The following TMEM45A variants were observed in gnomAD, a reference collection of about 807,000 sequenced individuals.
TMEM45A encodes the protein transmembrane protein 45A, also known as DNA polymerase-transactivated protein 4.
A neutral mutation model predicts 32.0 loss-of-function variants in TMEM45A; 25 were observed. The ratio of observed to expected loss-of-function variants is 0.78; its 90% CI spans 0.57 to 1.09. TMEM45A has a LOEUF of 1.09. TMEM45A is among the 50% of genes least tolerant of loss of function. TMEM45A has a pLI of 0.00. For synonymous variants in TMEM45A, 122 were observed against 114.8 expected, an observed-to-expected ratio of 1.06 and a Z score of -0.40; for missense variants, 302 against 325.0, an observed-to-expected ratio of 0.93 and a Z score of 0.54.
rs1390363189 is a variant in TMEM45A, at chr3:100,492,944, G to A, written c.-4+16G>A. The A allele has an allele frequency of 6.6e-6, 1 of 152,198 alleles. No individual in the cohort carries two copies. The highest frequency in any genetic ancestry group is 1.5e-5 in the Non-Finnish European group (1 of 68,020). 9.4% of individuals were successfully genotyped at this position (152,198 alleles called of 1,614,324 possible). On this transcript the variant is annotated intron_variant, in intron 1 of 5. Coordinates refer to ENST00000323523, the MANE Select transcript of TMEM45A (RefSeq NM_018004.3). The stretch of plus-strand genomic sequence containing the variant: ...ACCAAGTTGGGTAAGTTTTGGATAC[G>A]TGCTGGATATCATATTTCTCTTGCC...
At chr3:100,512,088 A>G (rs1278449942) in intron 1 of TMEM45A, among the ~76,000 whole-genome samples, 2 of 152,210 alleles carry the variant, frequency 1.3e-5, no homozygotes, top group Non-Finnish European at 2.9e-5. Context: ...CAACAAGGAT[A>G]CCCAGGAATT....
At chr3:100,537,850 TG>T (rs1348419948) in intron 1 of TMEM45A, among the ~76,000 whole-genome samples, 1 of 97,716 alleles carries the variant, frequency 1.0e-5, no homozygotes, top group Admixed American at 9.7e-5. Context: ...GCATTTTGAC[TG>T]TACATTGTTT....
chr3:100,549,617 T>G (rs1258021707), intron 1 of TMEM45A, among the ~76,000 whole-genome samples: 1 of 152,240 alleles, frequency 6.6e-6, no homozygotes, highest in Non-Finnish European at 1.5e-5. Context: ...AAGGTTTACC[T>G]GCTCATGCTA....
At chr3:100,506,117 C>A (rs894903157) in intron 1 of TMEM45A, among the ~76,000 whole-genome samples, 10 of 152,204 alleles carry the variant, frequency 6.6e-5, no homozygotes, top group Non-Finnish European at 1.3e-4. Flanking sequence ...CAGAGCCTGG[C>A]TCTCACCAAA....
intron 4 of TMEM45A, among the ~76,000 whole-genome samples, chr3:100,563,075 T>A (rs1406298412): frequency 6.6e-6 from 1 of 152,218 alleles, no homozygotes; most frequent in African/African-American, 2.4e-5. Context: ...AATCAAGGTG[T>A]TGGCAGGGTT....
intron 1 of TMEM45A, among the ~76,000 whole-genome samples, chr3:100,507,949 A>G (rs28445775): frequency 0.068 from 10,242 of 150,696 alleles, 1,190 homozygotes; most frequent in African/African-American, 0.24. Flanking sequence ...CAAAACAGCA[A>G]CTAGATAAGC....
Position 100,573,233 on chromosome 3 carries a change from G to A in TMEM45A, c.735-3692G>A, listed in dbSNP as rs201087928. 112 of 151,528 alleles carry A rather than the reference G, an allele frequency of 7.4e-4. 5 individuals carry two copies. The East Asian group carries it at 0.011, about 15-fold the overall frequency. The allele number at this position is 151,528 out of a possible 1,614,324, so 9.4% of individuals were successfully genotyped here. ...CGATATTGATTCTTCCTACCCATGA[G>A]CATGGAATGTTCTTCCATTTGTTTG... On this transcript the variant is annotated intron_variant, in intron 5 of 5. Coordinates refer to ENST00000323523, the MANE Select transcript of TMEM45A (RefSeq NM_018004.3).
At chr3:100,502,121 A>G (rs1450493894) in intron 1 of TMEM45A, among the ~76,000 whole-genome samples, 1 of 152,138 alleles carries the variant, frequency 6.6e-6, no homozygotes, top group African/African-American at 2.4e-5. Flanking sequence ...TCATATCCAA[A>G]TAGACCTACA....
chr3:100,512,309 G>C (rs1181702316), intron 1 of TMEM45A, among the ~76,000 whole-genome samples: 5 of 152,160 alleles, frequency 3.3e-5, no homozygotes, highest in Non-Finnish European at 7.3e-5. Context: ...TAGAACTCAG[G>C]ATTAAGAATC....
At chr3:100,505,780 G>A (rs887356869) in intron 1 of TMEM45A, among the ~76,000 whole-genome samples, 1 of 152,200 alleles carries the variant, frequency 6.6e-6, no homozygotes, top group African/African-American at 2.4e-5. Flanking sequence ...ATGAACAGCA[G>A]TAATCTCTAA....
intron 2 of TMEM45A, 137 bp from the exon 3 acceptor site, chr3:100,556,623 T>C (rs1298799046): frequency 2.4e-6 from 2 of 832,604 alleles, no homozygotes; most frequent in African/African-American, 3.4e-5. Flanking sequence ...TGCTCAGCTG[T>C]TAGGGAACAG....
At chr3:100,554,933 A>G (rs1706182708) in intron 1 of TMEM45A, among the ~76,000 whole-genome samples, 1 of 152,244 alleles carries the variant, frequency 6.6e-6, no homozygotes, top group Non-Finnish European at 1.5e-5. Flanking sequence ...GGTATGTTGC[A>G]TAAATTAGGT....
At chr3:100,502,554 C>T (rs543586980) in intron 1 of TMEM45A, among the ~76,000 whole-genome samples, 1 of 152,084 alleles carries the variant, frequency 6.6e-6, no homozygotes, top group South Asian at 2.1e-4. Flanking sequence ...GCAGCTTCAA[C>T]CTCTTGGGCT....
At chr3:100,520,822 C>T (rs924235902) in intron 1 of TMEM45A, among the ~76,000 whole-genome samples, 1 of 152,200 alleles carries the variant, frequency 6.6e-6, no homozygotes, top group African/African-American at 2.4e-5. Context: ...AAGCCTCTCA[C>T]TTTCTCCGTC....
intron 5 of TMEM45A, 24 bp from the exon 6 acceptor site, chr3:100,576,901 T>G: frequency 7.9e-5 from 122 of 1,547,124 alleles, no homozygotes; most frequent in Non-Finnish European, 1.0e-4. Context: ...CCGTCTAACT[T>G]GAGATGCTTT....
intron 4 of TMEM45A, among the ~76,000 whole-genome samples, chr3:100,567,234 G>A (rs146542763): frequency 5.5e-4 from 83 of 151,432 alleles, no homozygotes; most frequent in African/African-American, 1.8e-3. Context: ...GTGAATACCC[G>A]GTTATCTCAG....
intron 1 of TMEM45A, among the ~76,000 whole-genome samples, chr3:100,536,381 G>C (rs1310231690): frequency 6.6e-6 from 1 of 152,186 alleles, no homozygotes; most frequent in Non-Finnish European, 1.5e-5. Flanking sequence ...GCTGGTGTGA[G>C]TGCCACAATT....
chr3:100,574,687 G>A (rs1706645172), intron 5 of TMEM45A: 1 of 152,296 alleles, frequency 6.6e-6, no homozygotes, highest in Non-Finnish European at 1.5e-5. Flanking sequence ...GCTAGATTGT[G>A]TCTCCTTGAG....
intron 1 of TMEM45A, among the ~76,000 whole-genome samples, chr3:100,553,876 AAG>A (rs1447631889): frequency 1.3e-5 from 2 of 152,294 alleles, no homozygotes; most frequent in East Asian, 3.9e-4. Flanking sequence ...ACTGAGATAT[AAG>A]AGACTTTTAG....
Sources: allele counts gnomAD v4.1 joint callset (sites outside exome capture counted in the v4.1 genomes callset), GRCh38; gene constraint gnomAD v4.1.1; transcripts MANE v1.5; gene names NCBI Gene and HGNC (gene_info 2026-07-23, HGNC 2026-07-21).